Variants in KDM2A observed in about 807,000 individuals in gnomAD.
The protein encoded by KDM2A is lysine-specific demethylase 2A.
A neutral mutation model predicts 137.3 loss-of-function variants in KDM2A; 3 were observed. That is an observed-to-expected ratio of 0.02 (90% CI 0.01 to 0.06). The LOEUF is 0.06. Ranked by LOEUF, KDM2A falls within the 10% of genes least tolerant of loss-of-function variation. The probability of loss-of-function intolerance (pLI) is 1.00; values close to 1 mark genes in which losing one functional copy is unlikely to be tolerated. For synonymous variants in KDM2A, 512 were observed against 541.5 expected (o/e 0.95, Z 0.76); for missense variants, 738 against 1,510.6 (o/e 0.49, Z 8.48).
In KDM2A at chr11:67,245,626, T is replaced by G; in HGVS notation, c.1833+168T>G. On this transcript the variant is annotated intron_variant, in intron 14 of 20. Coordinates refer to ENST00000529006, the MANE Select transcript of KDM2A (RefSeq NM_012308.3). The surrounding 1 kb of genome is among the most constrained non-coding windows in gnomAD (Gnocchi z 4.1). ...TTTCCCCAGGTTTAGATAGAAGGTA[T>G]CTAGTACTAAAAATCCGATTTAATC... 1 of 720,832 alleles carries G rather than the reference T, an allele frequency of 1.4e-6. No individual in the cohort carries two copies. The allele number at this position is 720,832 out of a possible 1,614,324, so 44.7% of individuals were successfully genotyped here.
intron 5 of KDM2A, chr11:67,197,133 A>G (rs1254772675): frequency 2.0e-5 from 3 of 152,140 alleles, no homozygotes; most frequent in Non-Finnish European, 2.9e-5. Flanking sequence ...TTAAAATAAA[A>G]TAGCAATTAT....
intron 8 of KDM2A, among the ~76,000 whole-genome samples, chr11:67,216,843 C>A (rs1170987379): frequency 6.6e-6 from 1 of 152,002 alleles, no homozygotes; most frequent in Non-Finnish European, 1.5e-5. Flanking sequence ...TCGCTTGAAC[C>A]CACAAGGTGG....
At position 67,246,065 on chromosome 11, in the gene KDM2A, A is replaced by G; in HGVS notation, c.1914A>G (p.Lys638=). Reference sequence around the variant, plus strand: ...AAGAGACACAAGACTTTGAGAAGAAACTCATGGAATGCTGTATCTGCAATG... The same window carrying G: ...AAGAGACACAAGACTTTGAGAAGAAGCTCATGGAATGCTGTATCTGCAATG... The part of the protein sequence containing the change: ...QNEETQDFEK[K]LMECCICNEI... Residue 638 remains lysine (K), a synonymous_variant, in exon 15 of 21, where the codon AAA becomes AAG. Coordinates refer to ENST00000529006, the MANE Select transcript of KDM2A (RefSeq NM_012308.3). The G allele has an allele frequency of 6.2e-7, 1 of 1,613,942 alleles. No individual in the cohort carries two copies. Among genetic ancestry groups the G allele is most frequent in the East Asian group, 2.2e-5 (1 of 44,880 alleles).
chr11:67,171,065 G>T (rs1213498812), intron 2 of KDM2A, among the ~76,000 whole-genome samples: 1 of 152,132 alleles, frequency 6.6e-6, no homozygotes, highest in Non-Finnish European at 1.5e-5. Context: ...TACATGCATA[G>T]TGCTTGTTAC....
chr11:67,124,614 C>CT (rs34517858), intron 2 of KDM2A, among the ~76,000 whole-genome samples: 28,998 of 112,550 alleles, frequency 0.26, 4,586 homozygotes, highest in Non-Finnish European at 0.36. Context: ...GCCTGGCCCA[C>CT]TTTTTTTTTT....
intron 15 of KDM2A, among the ~76,000 whole-genome samples, chr11:67,247,336 C>T (rs947195532): frequency 3.3e-5 from 5 of 149,826 alleles, no homozygotes; most frequent in Admixed American, 6.7e-5. Flanking sequence ...GTGATTCACC[C>T]GCCTTGGCCT....
chr11:67,198,627 G>A (rs1325259675), intron 5 of KDM2A, among the ~76,000 whole-genome samples: 3 of 150,846 alleles, frequency 2.0e-5, no homozygotes, highest in Non-Finnish European at 4.4e-5. Flanking sequence ...GGAGAATGGC[G>A]TGAACCCGGA....
At chr11:67,229,859 G>A (rs1255092059) in intron 11 of KDM2A, among the ~76,000 whole-genome samples, 1 of 146,840 alleles carries the variant, frequency 6.8e-6, no homozygotes, top group Non-Finnish European at 1.5e-5. Flanking sequence ...GACAGAGTGA[G>A]ACTCCGTCTC....
intron 12 of KDM2A, among the ~76,000 whole-genome samples, chr11:67,237,858 C>T (rs1285069078): frequency 5.9e-5 from 9 of 151,566 alleles, no homozygotes; most frequent in African/African-American, 1.7e-4. Flanking sequence ...GAGGTCTAGG[C>T]TGTAGTAAGC....
chr11:67,145,140 A>C (rs981070551), intron 2 of KDM2A, among the ~76,000 whole-genome samples: 4 of 148,708 alleles, frequency 2.7e-5, no homozygotes, highest in African/African-American at 9.9e-5. Context: ...CCAAAGTGCT[A>C]AGATTACAGG....
chr11:67,228,938 C>T (rs554138614), intron 11 of KDM2A, among the ~76,000 whole-genome samples: 18 of 152,084 alleles, frequency 1.2e-4, no homozygotes, highest in East Asian at 3.9e-4. Context: ...TTGCCCAGGC[C>T]GGTCTTAAAC....
intron 13 of KDM2A, chr11:67,243,818 A>G (rs557747856): frequency 2.0e-5 from 3 of 152,010 alleles, no homozygotes; most frequent in East Asian, 3.9e-4. Context: ...TGTCTCAAAG[A>G]AAAAAAAAGA....
In KDM2A at chr11:67,254,525, TC is replaced by T. The variant is rs749754360; in HGVS notation, c.3307+108del. 1.1e-6 allele frequency: 1 copy of T among 910,408 alleles called. No individual in the cohort carries two copies. Among genetic ancestry groups the T allele is most frequent in the East Asian group, 2.4e-5 (1 of 41,244 alleles). 56.4% of individuals were successfully genotyped at this position (910,408 alleles called of 1,614,324 possible). On this transcript the variant is annotated intron_variant, in intron 20 of 20. Coordinates refer to ENST00000529006, the MANE Select transcript of KDM2A (RefSeq NM_012308.3). This position sits in a 1 kb window ranked among gnomAD's most constrained non-coding sequence, Gnocchi z 4.7. ...CCTTGGGTCTGTTGATTGACCCACA[TC>T]AGCTCATTTCTTCACATCTGGACAA...
rs920332665 is a variant in KDM2A at position 67,149,564 on chromosome 11, C to T, written c.42+28206C>T. ...GCCCCTTAGCCACCTTAATCCTAACCCCTTCACCAGATGTAATCATTTTAT... is the reference window on the plus strand; with the variant it reads ...GCCCCTTAGCCACCTTAATCCTAACTCCTTCACCAGATGTAATCATTTTAT... On this transcript the variant is annotated intron_variant, in intron 2 of 20. Transcript: ENST00000529006. Among the ~76,000 whole-genome samples the T allele has an allele frequency of 4.0e-5, 6 of 151,892 alleles. No homozygotes were observed. The East Asian group carries it at 1.2e-3, about 29-fold the overall frequency.
chr11:67,197,515 G>A (rs1351269681), intron 5 of KDM2A, among the ~76,000 whole-genome samples: 2 of 152,154 alleles, frequency 1.3e-5, no homozygotes, highest in Non-Finnish European at 2.9e-5. Flanking sequence ...TAAAGTCTGG[G>A]TGTTTTTTTG....
intron 11 of KDM2A, among the ~76,000 whole-genome samples, chr11:67,229,827 G>A (rs564861771): frequency 2.7e-5 from 4 of 149,818 alleles, no homozygotes; most frequent in African/African-American, 4.9e-5. Context: ...CCGAGATCAC[G>A]CCACTGCACT....
At chr11:67,133,564 G>A (rs1452237980) in intron 2 of KDM2A, among the ~76,000 whole-genome samples, 6 of 151,542 alleles carry the variant, frequency 4.0e-5, no homozygotes, top group Non-Finnish European at 7.4e-5. Context: ...CACCACGCCC[G>A]GCCAATTTTT....
At chr11:67,251,415 T>C (rs1482401141) in intron 17 of KDM2A, among the ~76,000 whole-genome samples, 1 of 152,178 alleles carries the variant, frequency 6.6e-6, no homozygotes, top group South Asian at 2.1e-4. Context: ...GGACAGACAC[T>C]TGGGGGAAAA....
chr11:67,223,388 C>A (rs200586109), intron 10 of KDM2A, among the ~76,000 whole-genome samples: 1 of 149,158 alleles, frequency 6.7e-6, no homozygotes, highest in Non-Finnish European at 1.5e-5. Context: ...TTTTTTCTTT[C>A]TTATTTATTT....
Sources: gnomAD v4.1 joint callset for allele counts (sites outside exome capture counted in the v4.1 genomes callset) on GRCh38, gnomAD v4.1.1 for gene constraint, Gnocchi (gnomAD v3.1) non-coding constraint, MANE v1.5 for transcripts, NCBI Gene and HGNC (gene_info 2026-07-23, HGNC 2026-07-21) for gene names.